The following ZCWPW2 variants were observed in gnomAD, a reference collection of about 807,000 sequenced individuals.
The protein encoded by ZCWPW2 is zinc finger CW-type PWWP domain protein 2.
ZCWPW2 carries 45 observed loss-of-function variants against 46.6 expected under a neutral mutation model. The observed-to-expected ratio is 0.96, with a 90% CI of 0.76 to 1.24. The LOEUF (loss-of-function observed/expected upper bound fraction) is 1.24, where lower values mean the gene tolerates loss of function less well. Among genes scored for constraint, ZCWPW2 ranks in the 50% most tolerant of loss-of-function variants. The pLI is 0.00. For synonymous variants in ZCWPW2, 152 were observed against 137.1 expected, an observed-to-expected ratio of 1.11 and a Z score of -0.76; for missense variants, 429 against 403.9, an observed-to-expected ratio of 1.06 and a Z score of -0.53.
chr3:28,522,800 C>G (rs1313933652), intron 9 of ZCWPW2, among the ~76,000 whole-genome samples: 1 of 152,034 alleles, frequency 6.6e-6, no homozygotes, highest in African/African-American at 2.4e-5. Flanking sequence ...ATGTATGGGT[C>G]TTTTGCAGAA....
intron 4 of ZCWPW2, among the ~76,000 whole-genome samples, chr3:28,456,328 G>C (rs1222824763): frequency 6.6e-6 from 1 of 152,170 alleles, no homozygotes; most frequent in African/African-American, 2.4e-5. Flanking sequence ...TATTGACTTT[G>C]TGTCCTGATA....
intron 5 of ZCWPW2, among the ~76,000 whole-genome samples, chr3:28,485,945 A>G (rs1699586458): frequency 6.6e-6 from 1 of 151,860 alleles, no homozygotes; most frequent in South Asian, 2.1e-4. Flanking sequence ...CATATCAATT[A>G]TCAATTATAC....
At chr3:28,414,470 A>G (rs1696558223) in intron 3 of ZCWPW2, among the ~76,000 whole-genome samples, 1 of 151,536 alleles carries the variant, frequency 6.6e-6, no homozygotes, top group African/African-American at 2.4e-5. Flanking sequence ...TTTTATTATT[A>G]TTGTACTTTA....
chr3:28,407,912 C>T (rs565659185), intron 2 of ZCWPW2, among the ~76,000 whole-genome samples: 2 of 152,232 alleles, frequency 1.3e-5, no homozygotes, highest in Admixed American at 6.5e-5. Context: ...ACATTCACTT[C>T]CTCATTGTCA....
At chr3:28,387,349 T>A (rs548513581) in intron 1 of ZCWPW2, among the ~76,000 whole-genome samples, 36 of 152,226 alleles carry the variant, frequency 2.4e-4, no homozygotes, top group Admixed American at 3.9e-4. Flanking sequence ...ACTATTTTTT[T>A]AAAAAATTAT....
chr3:28,360,349 CAAAAAAAAAAAA>C (rs71087692), intron 1 of ZCWPW2, among the ~76,000 whole-genome samples: 7 of 53,918 alleles, frequency 1.3e-4, no homozygotes, highest in Admixed American at 5.6e-4. Context: ...ACTAAAAATA[CAAAAAAAAAAAA>C]AAAAAAAAAA....
intron 8 of ZCWPW2, among the ~76,000 whole-genome samples, chr3:28,518,589 C>A (rs1024367045): frequency 6.6e-6 from 1 of 152,134 alleles, no homozygotes; most frequent in Non-Finnish European, 1.5e-5. Context: ...TAATTTTGAT[C>A]AAAAGGCAGT....
At chr3:28,432,732 T>C (rs1227324146) in intron 3 of ZCWPW2, among the ~76,000 whole-genome samples, 1 of 152,192 alleles carries the variant, frequency 6.6e-6, no homozygotes, top group Non-Finnish European at 1.5e-5. Flanking sequence ...AATTTTTTGA[T>C]ACATTAATAC....
In ZCWPW2 at chr3:28,411,704, GA is replaced by G. The variant is rs1696405778; in HGVS notation, c.-13-1346del. ...ACTGACTGGTGACCCAGAAAGTAGA[GA>G]AAAAATTTATTCACTTCAGTTGCAA... On this transcript the variant is annotated intron_variant, in intron 2 of 9. Coordinates refer to ENST00000383768, the MANE Select transcript of ZCWPW2 (RefSeq NM_001040432.4). Among the ~76,000 whole-genome samples, 3 of 152,140 alleles carry G rather than the reference GA, an allele frequency of 2.0e-5. No individual in the cohort carries two copies. The South Asian group carries it at 6.2e-4, about 31-fold the overall frequency.
chr3:28,479,346 TAAGTTC>T (rs1393563485), intron 5 of ZCWPW2, among the ~76,000 whole-genome samples: 1 of 152,102 alleles, frequency 6.6e-6, no homozygotes, highest in Non-Finnish European at 1.5e-5. Context: ...CATTTTGAAA[TAAGTTC>T]AGGGCAGGAA....
At chr3:28,479,394 T>C (rs1055419505) in intron 5 of ZCWPW2, among the ~76,000 whole-genome samples, 7 of 152,090 alleles carry the variant, frequency 4.6e-5, no homozygotes, top group Non-Finnish European at 8.8e-5. Context: ...AAAAAAAAAC[T>C]AGGTGAAAAA....
intron 1 of ZCWPW2, 78 bp from the exon 2 acceptor site, chr3:28,390,420 C>G (rs866076384): frequency 7.4e-6 from 7 of 947,696 alleles, no homozygotes; most frequent in Non-Finnish European, 7.5e-6. Flanking sequence ...ATCAGAATTT[C>G]AAATAATTCT....
intron 4 of ZCWPW2, among the ~76,000 whole-genome samples, chr3:28,454,453 A>T (rs1333440698): frequency 6.6e-6 from 1 of 152,108 alleles, no homozygotes; most frequent in African/African-American, 2.4e-5. Flanking sequence ...AGTACGCATT[A>T]TACTTCTTCA....
At chr3:28,517,130 C>T (rs1700595642) in intron 8 of ZCWPW2, among the ~76,000 whole-genome samples, 1 of 152,126 alleles carries the variant, frequency 6.6e-6, no homozygotes, top group Non-Finnish European at 1.5e-5. Flanking sequence ...TCCTCATCAC[C>T]CTTCTCTTTT....
At chr3:28,486,781 G>A (rs987322671) in intron 5 of ZCWPW2, among the ~76,000 whole-genome samples, 1 of 151,866 alleles carries the variant, frequency 6.6e-6, no homozygotes, top group Admixed American at 6.6e-5. Context: ...TGGGAGGATC[G>A]CTTGAGCCTG....
chr3:28,426,805 C>A (rs1231799520), intron 3 of ZCWPW2, among the ~76,000 whole-genome samples: 2 of 152,136 alleles, frequency 1.3e-5, no homozygotes, highest in African/African-American at 4.8e-5. Context: ...GTTTGCTCTC[C>A]ACTTATACAT....
chr3:28,359,239 A>C (rs1043810338), intron 1 of ZCWPW2, among the ~76,000 whole-genome samples: 2 of 152,180 alleles, frequency 1.3e-5, no homozygotes, highest in African/African-American at 4.8e-5. Context: ...AGGATTTAAA[A>C]TTATTTGTAG....
At chr3:28,357,532 C>T (rs1314518119) in intron 1 of ZCWPW2, among the ~76,000 whole-genome samples, 2 of 151,972 alleles carry the variant, frequency 1.3e-5, no homozygotes, top group Non-Finnish European at 2.9e-5. Context: ...TCATCCAATC[C>T]ACTGAGGGCC....
chr3:28,465,705 A>G (rs866506787), intron 4 of ZCWPW2, among the ~76,000 whole-genome samples: 7 of 152,328 alleles, frequency 4.6e-5, no homozygotes, highest in Middle Eastern at 3.4e-3. Flanking sequence ...GAAAAATTAC[A>G]TTATTGTAGA....
Sources: allele counts gnomAD v4.1 joint callset (sites outside exome capture counted in the v4.1 genomes callset), GRCh38; gene constraint gnomAD v4.1.1; transcripts MANE v1.5; gene names NCBI Gene and HGNC (gene_info 2026-07-23, HGNC 2026-07-21).